SATL1: variants seen among roughly 807,000 people sequenced by gnomAD.
SATL1 encodes spermidine/spermine N(1)-acetyltransferase-like protein 1.
Under a neutral mutation model 51.8 loss-of-function variants are expected in SATL1, and 47 were observed. The observed-to-expected ratio is 0.91, with a 90% CI of 0.72 to 1.16. SATL1 has a LOEUF of 1.16. Ranked by LOEUF, SATL1 falls within the 50% of genes most tolerant of loss-of-function variation. SATL1 has a pLI of 0.00. For missense variants in SATL1, 520 were observed against 526.4 expected, an observed-to-expected ratio of 0.99 and a Z score of 0.12; for synonymous variants, 176 against 182.4, an observed-to-expected ratio of 0.97 and a Z score of 0.28.
rs1382810310 is a variant in SATL1, at chrX:85,109,017, G to A, written c.-49C>T. 4 of 1,094,995 alleles carry A rather than the reference G, an allele frequency of 3.7e-6. No individual in the cohort carries two copies. The highest frequency in any genetic ancestry group is 2.6e-5 in the Admixed American group (1 of 38,465). 90.2% of individuals were successfully genotyped at this position (1,094,995 alleles called of 1,213,427 possible). On this transcript the variant is annotated 5_prime_UTR_variant, in exon 3 of 8. Transcript: ENST00000644105. ...GACTAAGGATGGGGTGGCAGATGATGGGTTGGCAGACAACTGATTGGCTGA... is the reference window on the plus strand; with the variant it reads ...GACTAAGGATGGGGTGGCAGATGATAGGTTGGCAGACAACTGATTGGCTGA...
At chrX:85,120,771 T>C (rs1925486021) in intron 2 of SATL1, among the ~76,000 whole-genome samples, 1 of 111,898 alleles carries the variant, frequency 8.9e-6, no homozygotes, top group African/African-American at 3.2e-5. Context: ...TCTATGAGCC[T>C]TTCTATTACA....
intron 2 of SATL1, among the ~76,000 whole-genome samples, chrX:85,217,841 A>G (rs1928082023): frequency 8.9e-6 from 1 of 111,850 alleles, no homozygotes; most frequent in Admixed American, 9.5e-5. Flanking sequence ...CTCCTTCTGA[A>G]ACACCTTCTA....
At chrX:85,154,630 G>A (rs1926542711) in intron 2 of SATL1, among the ~76,000 whole-genome samples, 1 of 112,123 alleles carries the variant, frequency 8.9e-6, no homozygotes, top group Non-Finnish European at 1.9e-5. Flanking sequence ...AAGGTTACAG[G>A]CCTAACTCTG....
intron 2 of SATL1, among the ~76,000 whole-genome samples, chrX:85,124,342 C>T (rs1359354544): frequency 8.9e-6 from 1 of 111,909 alleles, no homozygotes; most frequent in East Asian, 2.8e-4. Context: ...AGTTTGAATT[C>T]TGGCATTGCT....
intron 2 of SATL1, among the ~76,000 whole-genome samples, chrX:85,174,844 T>A (rs1030858008): frequency 9.0e-6 from 1 of 111,468 alleles, no homozygotes; most frequent in African/African-American, 3.3e-5. Flanking sequence ...AGAATGAAAC[T>A]GAAAAAGACA....
At chrX:85,197,040 G>C (rs1422690737) in intron 2 of SATL1, among the ~76,000 whole-genome samples, 5 of 111,476 alleles carry the variant, frequency 4.5e-5, no homozygotes, top group African/African-American at 1.6e-4. Context: ...ACATCACCAA[G>C]CAAGTAAAAA....
chrX:85,218,629 G>A (rs955773146), intron 2 of SATL1, among the ~76,000 whole-genome samples: 3 of 111,457 alleles, frequency 2.7e-5, no homozygotes, highest in Non-Finnish European at 3.8e-5. Context: ...AAAGACAAAT[G>A]GAATATTTCA....
intron 2 of SATL1, among the ~76,000 whole-genome samples, chrX:85,197,826 C>A (rs1927606095): frequency 9.1e-6 from 1 of 110,482 alleles, no homozygotes; most frequent in Non-Finnish European, 1.9e-5. Context: ...AGGATATGAG[C>A]TCATCATTTT....
intron 1 of SATL1, among the ~76,000 whole-genome samples, chrX:85,236,999 C>A (rs978599850): frequency 6.3e-5 from 7 of 110,985 alleles, no homozygotes; most frequent in South Asian, 3.7e-4. Flanking sequence ...TTTCTATAAG[C>A]CAACAGTGAA....
chrX:85,161,929 C>A (rs749156993), intron 2 of SATL1, among the ~76,000 whole-genome samples: 8 of 111,558 alleles, frequency 7.2e-5, no homozygotes, highest in Non-Finnish European at 1.3e-4. Context: ...CAATCCTCAG[C>A]AAATGTAAAA....
intron 1 of SATL1, among the ~76,000 whole-genome samples, chrX:85,233,193 C>G (rs1928417970): frequency 8.9e-6 from 1 of 111,784 alleles, no homozygotes; most frequent in Non-Finnish European, 1.9e-5. Flanking sequence ...ACCAAGACAA[C>G]CAAGTCAGTA....
At position 85,128,513 on chromosome X, in the gene SATL1, A is replaced by AT. The variant is rs1389568514; in HGVS notation, c.-312-19234dup. Among the ~76,000 whole-genome samples the AT allele has an allele frequency of 5.4e-5, 6 of 111,847 alleles. 1 individual carries two copies. Among genetic ancestry groups the AT allele is most frequent in the Non-Finnish European group, 9.4e-5 (5 of 53,181 alleles). The stretch of plus-strand genomic sequence containing the variant: ...ATGGTTGTTTGATTTTTTCTTGTAA[A>AT]TTTGTTTAAGTTCTTTGTAGATTCT... On this transcript the variant is annotated intron_variant, in intron 2 of 7. Coordinates refer to ENST00000644105, the MANE Select transcript of SATL1 (RefSeq NM_001367857.2).
At chrX:85,109,779 C>T (rs1485342766) in intron 2 of SATL1, among the ~76,000 whole-genome samples, 2 of 111,233 alleles carry the variant, frequency 1.8e-5, no homozygotes, top group Non-Finnish European at 3.8e-5. Flanking sequence ...AAAGCCGTGG[C>T]GGGTGGATGG....
At chrX:85,137,420 A>G (rs1213645118) in intron 2 of SATL1, among the ~76,000 whole-genome samples, 2 of 111,010 alleles carry the variant, frequency 1.8e-5, no homozygotes, top group African/African-American at 3.3e-5. Flanking sequence ...CCATCAGGAA[A>G]TTCTACAACT....
intron 5 of SATL1, among the ~76,000 whole-genome samples, chrX:85,094,475 G>A (rs906579466): frequency 7.1e-5 from 8 of 111,941 alleles, no homozygotes; most frequent in African/African-American, 2.6e-4. Flanking sequence ...TGGGCGCAGT[G>A]GCTCATGGCT....
At chrX:85,199,535 C>G (rs757139118) in intron 2 of SATL1, among the ~76,000 whole-genome samples, 1 of 111,689 alleles carries the variant, frequency 9.0e-6, no homozygotes, top group South Asian at 3.8e-4. Context: ...ACATAAGTGT[C>G]GGTCAACAGA....
At chrX:85,156,863 ATAT>A (rs1926610253) in intron 2 of SATL1, among the ~76,000 whole-genome samples, 2 of 52,700 alleles carry the variant, frequency 3.8e-5, no homozygotes, top group Admixed American at 5.1e-4. Context: ...ATATATATAT[ATAT>A]ATAAAATATG....
chrX:85,173,621 T>C (rs1352578215), intron 2 of SATL1, among the ~76,000 whole-genome samples: 1 of 110,669 alleles, frequency 9.0e-6, no homozygotes, highest in Admixed American at 9.7e-5. Flanking sequence ...TATACAACTT[T>C]CCAAATTAGG....
intron 1 of SATL1, among the ~76,000 whole-genome samples, chrX:85,235,555 C>T (rs1335556028): frequency 9.0e-6 from 1 of 111,135 alleles, no homozygotes; most frequent in African/African-American, 3.3e-5. Context: ...TATACAAACA[C>T]ACAGAAATGA....
Sources: gnomAD v4.1 joint callset for allele counts (sites outside exome capture counted in the v4.1 genomes callset) on GRCh38, gnomAD v4.1.1 for gene constraint, MANE v1.5 for transcripts, NCBI Gene and HGNC (gene_info 2026-07-23, HGNC 2026-07-21) for gene names.